KLHL7: variants seen among roughly 807,000 people sequenced by gnomAD.
KLHL7 encodes the protein kelch-like protein 7.
Under a neutral mutation model 67.4 loss-of-function variants are expected in KLHL7, and 44 were observed. That is an observed-to-expected ratio of 0.65 (90% CI 0.51 to 0.84). KLHL7 has a LOEUF of 0.84. Among genes scored for constraint, KLHL7 ranks in the 40% least tolerant of loss-of-function variants. The probability of loss-of-function intolerance (pLI) is 0.00; values close to 1 mark genes in which losing one functional copy is unlikely to be tolerated. For synonymous variants in KLHL7, 252 were observed against 243.3 expected, an observed-to-expected ratio of 1.04 and a Z score of -0.33; for missense variants, 362 against 718.1, an observed-to-expected ratio of 0.50 and a Z score of 5.67.
rs118185564 is a variant in KLHL7 at position 23,173,008 on chromosome 7, A to G, written c.1440A>G (p.Lys480=). 11,458 of 1,613,768 alleles carry G rather than the reference A, an allele frequency of 7.1e-3. 86 individuals are homozygous for G. The highest frequency in any genetic ancestry group is 7.3e-3 in the Non-Finnish European group (8,565 of 1,179,728). ...AGAATCATGGGCTGGTATTTGTAAA[A>G]GACAAGATATTTGCTGTGGGTGGTC... is the stretch of plus-strand genomic sequence containing the variant. ...ARKNHGLVFV[K]DKIFAVGGQN... is the part of the protein sequence containing the mutation. Residue 480 remains lysine (K), a synonymous_variant, in exon 10 of 11, where the codon AAA becomes AAG. Transcript: ENST00000339077.
At chr7:23,125,668 A>G (rs544099806) in intron 4 of KLHL7, 11 of 1,376,152 alleles carry the variant, frequency 8.0e-6, no homozygotes, top group African/African-American at 1.5e-5. Flanking sequence ...TATACTAGAA[A>G]ACATAACCTT....
chr7:23,168,676 G>A (rs541233934), intron 9 of KLHL7, among the ~76,000 whole-genome samples: 25 of 152,260 alleles, frequency 1.6e-4, no homozygotes, highest in Admixed American at 4.6e-4. Flanking sequence ...ATGAGGGCAC[G>A]GGTTGTGAGT....
At position 23,140,574 on chromosome 7, in the gene KLHL7, AAAAC is replaced by A. The variant is rs1268674573; in HGVS notation, c.443-191_443-188del. The A allele has an allele frequency of 7.9e-6, 5 of 632,502 alleles. No individual in the cohort carries two copies. The East Asian group carries it at 1.2e-4, about 15-fold the overall frequency. The allele number at this position is 632,502 out of a possible 1,614,324, so 39.2% of individuals were successfully genotyped here. ...TCCGTCTCAAAAAACAAAAAAACAA[AAAAC>A]AAAAAAAAAACCAGTCTTTTATAAG... On this transcript the variant is annotated intron_variant, in intron 4 of 10. Transcript: ENST00000339077.
intron 7 of KLHL7, among the ~76,000 whole-genome samples, chr7:23,162,601 C>G (rs910811082): frequency 1.3e-5 from 2 of 152,206 alleles, no homozygotes; most frequent in Non-Finnish European, 2.9e-5. Context: ...CCAAGTTTCC[C>G]AGTTCCTTTG....
chr7:23,150,163 AAAAAT>A (rs752973047), intron 6 of KLHL7, among the ~76,000 whole-genome samples: 29 of 152,292 alleles, frequency 1.9e-4, no homozygotes, highest in Admixed American at 9.8e-4. Context: ...GGCTCTAGAA[AAAAAT>A]AAAATAAAAT....
intron 7 of KLHL7, among the ~76,000 whole-genome samples, chr7:23,154,258 G>A (rs1480527192): frequency 2.0e-5 from 3 of 152,184 alleles, no homozygotes; most frequent in Non-Finnish European, 4.4e-5. Context: ...GGGAGGCTGA[G>A]GCAGGAGAAT....
intron 10 of KLHL7, 44 bp from the exon 11 acceptor site, chr7:23,173,971 G>T (rs375037031): frequency 1.4e-4 from 224 of 1,578,786 alleles, no homozygotes; most frequent in Non-Finnish European, 1.9e-4. Context: ...CCTTAGAATT[G>T]TTGATATAGT....
At chr7:23,122,746 T>C (rs1445704711) in intron 1 of KLHL7, among the ~76,000 whole-genome samples, 1 of 152,172 alleles carries the variant, frequency 6.6e-6, no homozygotes, top group East Asian at 1.9e-4. Flanking sequence ...CAATAACAGA[T>C]TTATCTATCA....
chr7:23,107,863 C>T (rs962241765), intron 1 of KLHL7, among the ~76,000 whole-genome samples: 1 of 152,170 alleles, frequency 6.6e-6, no homozygotes, highest in Non-Finnish European at 1.5e-5. Flanking sequence ...GCATCTTTTG[C>T]AAGATGTGCA....
intron 1 of KLHL7, among the ~76,000 whole-genome samples, chr7:23,107,435 T>C (rs1157280820): frequency 6.6e-6 from 1 of 152,212 alleles, no homozygotes; most frequent in Non-Finnish European, 1.5e-5. Context: ...GAAGACTCAT[T>C]AGGTTCCCTC....
At chr7:23,132,699 T>C (rs1043302290) in intron 4 of KLHL7, among the ~76,000 whole-genome samples, 2 of 152,220 alleles carry the variant, frequency 1.3e-5, no homozygotes, top group African/African-American at 2.4e-5. Flanking sequence ...TTGTGGGGTA[T>C]TGCTCAAGAA....
chr7:23,151,695 A>G (rs986716150), intron 6 of KLHL7, among the ~76,000 whole-genome samples: 5 of 152,224 alleles, frequency 3.3e-5, no homozygotes, highest in African/African-American at 1.2e-4. Flanking sequence ...CCAGGTATCA[A>G]TAGTTTCAGA....
chr7:23,111,808 G>A (rs558989567), intron 1 of KLHL7, among the ~76,000 whole-genome samples: 41 of 122,302 alleles, frequency 3.4e-4, no homozygotes, highest in Non-Finnish European at 4.1e-4. Flanking sequence ...GAGACAGAGT[G>A]AGACTCCGTC....
intron 1 of KLHL7, among the ~76,000 whole-genome samples, chr7:23,114,602 C>T (rs1006422619): frequency 5.3e-5 from 8 of 152,152 alleles, no homozygotes; most frequent in African/African-American, 1.4e-4. Flanking sequence ...TTCTTACTAG[C>T]TCAGGGAATG....
intron 4 of KLHL7, among the ~76,000 whole-genome samples, chr7:23,134,467 T>G (rs1377891362): frequency 6.6e-6 from 1 of 152,224 alleles, no homozygotes; most frequent in African/African-American, 2.4e-5. Context: ...GCTGGCCTCA[T>G]CAAATGAGTT....
chr7:23,115,469 T>G (rs1235470268), intron 1 of KLHL7, among the ~76,000 whole-genome samples: 2 of 152,164 alleles, frequency 1.3e-5, no homozygotes, highest in African/African-American at 4.8e-5. Flanking sequence ...ATAGGGGCAC[T>G]GTTTACCATC....
intron 7 of KLHL7, 29 bp downstream of exon 7, chr7:23,152,238 T>C (rs1329960369): frequency 6.2e-7 from 1 of 1,608,940 alleles, no homozygotes; most frequent in Admixed American, 1.7e-5. Context: ...TGGTTTTTGT[T>C]GTTGTCTTTG....
chr7:23,160,637 C>G (rs146654421), intron 7 of KLHL7, among the ~76,000 whole-genome samples: 27 of 152,260 alleles, frequency 1.8e-4, no homozygotes, highest in South Asian at 6.2e-4. Context: ...AGCACAACCT[C>G]CCTCCTCCTC....
In KLHL7 at chr7:23,176,096, T is replaced by TC. The variant is rs1785290829; in HGVS notation, c.*1803dup. The stretch of plus-strand genomic sequence containing the variant: ...TACTGATTAGCAATGGTTCCCTATT[T>TC]CCCCCAACGCCCCTGTATTTCCTAG... On this transcript the variant is annotated 3_prime_UTR_variant, in exon 11 of 11. Coordinates refer to ENST00000339077, the MANE Select transcript of KLHL7 (RefSeq NM_001031710.3). 6.6e-6 allele frequency: 1 copy of TC among 152,046 alleles called. No homozygotes were observed. The highest frequency in any genetic ancestry group is 6.6e-5 in the Admixed American group (1 of 15,252). 9.4% of individuals were successfully genotyped at this position (152,046 alleles called of 1,614,324 possible).
Sources: allele counts gnomAD v4.1 joint callset (sites outside exome capture counted in the v4.1 genomes callset), GRCh38; gene constraint gnomAD v4.1.1; transcripts MANE v1.5; gene names NCBI Gene and HGNC (gene_info 2026-07-23, HGNC 2026-07-21).